Variants in RABL3 observed in about 807,000 individuals in gnomAD.
RABL3 encodes the protein RAB, member of RAS oncogene family like 3.
A neutral mutation model predicts 31.8 loss-of-function variants in RABL3; 31 were observed. The observed-to-expected ratio is 0.97, with a 90% CI of 0.73 to 1.31. The LOEUF (loss-of-function observed/expected upper bound fraction) is 1.31. RABL3 is among the 40% of genes most tolerant of loss of function. RABL3 has a pLI of 0.00. For missense variants in RABL3, 263 were observed against 279.6 expected, an observed-to-expected ratio of 0.94 and a Z score of 0.42; for synonymous variants, 97 against 99.9, an observed-to-expected ratio of 0.97 and a Z score of 0.18.
At chr3:120,727,723 GAT>G (rs1708838755) in intron 2 of RABL3, among the ~76,000 whole-genome samples, 1 of 152,154 alleles carries the variant, frequency 6.6e-6, no homozygotes, top group African/African-American at 2.4e-5. Flanking sequence ...TAAATCTAGT[GAT>G]ATATGAAAAG....
In RABL3 at chr3:120,695,455, G is replaced by A. The variant is rs546715561; in HGVS notation, c.535-1231C>T. Among the ~76,000 whole-genome samples, 4 of 152,204 alleles carry A rather than the reference G, an allele frequency of 2.6e-5. No individual in the cohort carries two copies. The East Asian group carries it at 5.8e-4, about 22-fold the overall frequency. On this transcript the variant is annotated intron_variant, in intron 5 of 7. Transcript: ENST00000273375. Reference sequence around the variant, plus strand: ...ATTTGGGCTTACTGATTTGTGGAATGGGGATAACAATATTTTATTTCACGG... The same window carrying A: ...ATTTGGGCTTACTGATTTGTGGAATAGGGATAACAATATTTTATTTCACGG...
At chr3:120,692,198 C>T (rs924817702) in intron 6 of RABL3, among the ~76,000 whole-genome samples, 14 of 149,488 alleles carry the variant, frequency 9.4e-5, no homozygotes, top group African/African-American at 3.4e-4. Flanking sequence ...GAGAAGAAAT[C>T]TTTTTTTTTT....
At chr3:120,697,382 C>G (rs1218383105) in intron 5 of RABL3, among the ~76,000 whole-genome samples, 6 of 152,162 alleles carry the variant, frequency 3.9e-5, no homozygotes, top group Non-Finnish European at 8.8e-5. Flanking sequence ...GAAGATGATG[C>G]ATGTGAGATA....
chr3:120,731,886 T>C (rs1708887976), intron 1 of RABL3, among the ~76,000 whole-genome samples: 1 of 151,966 alleles, frequency 6.6e-6, no homozygotes, highest in African/African-American at 2.4e-5. Context: ...ACTGCATCTC[T>C]ACAAAAAATA....
At chr3:120,734,196 ATTAT>A (rs1708925342) in intron 1 of RABL3, among the ~76,000 whole-genome samples, 1 of 152,086 alleles carries the variant, frequency 6.6e-6, no homozygotes, top group South Asian at 2.1e-4. Context: ...TGTTCTTCCA[ATTAT>A]TTGTGTCCTC....
intron 5 of RABL3, among the ~76,000 whole-genome samples, chr3:120,694,835 T>C (rs1421598347): frequency 6.6e-6 from 1 of 152,054 alleles, no homozygotes; most frequent in Non-Finnish European, 1.5e-5. Context: ...TTACTACTCT[T>C]TGATGGAATT....
rs1708333795 is a variant in RABL3, at chr3:120,688,068, G to A, written c.*1755C>T. 6.6e-6 allele frequency: 1 copy of A among 151,954 alleles called. No individual in the cohort carries two copies. Among genetic ancestry groups the A allele is most frequent in the Non-Finnish European group, 1.5e-5 (1 of 68,006 alleles). The allele number at this position is 151,954 out of a possible 1,614,324, so 9.4% of individuals were successfully genotyped here. ...CGCCTCCCAAAGTGTTGGGATTAAA[G>A]GTGTGAGCCACCGCGCCTGGCCTAT... is the stretch of plus-strand genomic sequence containing the variant. On this transcript the variant is annotated 3_prime_UTR_variant, in exon 8 of 8. Transcript: ENST00000273375.
intron 2 of RABL3, among the ~76,000 whole-genome samples, chr3:120,711,543 T>C (rs1385482359): frequency 6.6e-6 from 1 of 152,112 alleles, no homozygotes; most frequent in African/African-American, 2.4e-5. Context: ...ATGCAAGTTA[T>C]ATCATACGCT....
rs1474054536 is a variant in RABL3 at position 120,688,462 on chromosome 3, C to G, written c.*1361G>C. On this transcript the variant is annotated 3_prime_UTR_variant, in exon 8 of 8. Coordinates refer to ENST00000273375, the MANE Select transcript of RABL3 (RefSeq NM_173825.5). Reference sequence around the variant, plus strand: ...AAGACTGCCTTTCTAAAAGGACTCTCTAACATTCTTATTTTAATATCCTCT... The same window carrying G: ...AAGACTGCCTTTCTAAAAGGACTCTGTAACATTCTTATTTTAATATCCTCT... The G allele has an allele frequency of 6.6e-6, 1 of 152,374 alleles. No individual in the cohort carries two copies. The highest frequency in any genetic ancestry group is 3.2e-3 in the Middle Eastern group (1 of 316). 9.4% of individuals were successfully genotyped at this position (152,374 alleles called of 1,614,324 possible).
At chr3:120,709,276 T>C (rs530730027) in intron 3 of RABL3, among the ~76,000 whole-genome samples, 8 of 152,104 alleles carry the variant, frequency 5.3e-5, no homozygotes, top group African/African-American at 1.9e-4. Flanking sequence ...GCTCCAGGTA[T>C]TTGAATATCT....
chr3:120,689,564 T>C lies in RABL3; in HGVS notation c.*259A>G. On this transcript the variant is annotated 3_prime_UTR_variant, in exon 8 of 8. Transcript: ENST00000273375. ...TCATTGCTCATTTACTGCATCATTT[T>C]GACAACATCTCATATTTACACAAGG... is the stretch of plus-strand genomic sequence containing the variant. 1 of 333,466 alleles carries C rather than the reference T, an allele frequency of 3.0e-6. No individual in the cohort carries two copies. Among genetic ancestry groups the C allele is most frequent in the East Asian group, 4.6e-5 (1 of 21,696 alleles). The allele number at this position is 333,466 out of a possible 1,614,324, so 20.7% of individuals were successfully genotyped here. A position where few individuals can be genotyped will look rare whatever the true frequency, so the allele number is the denominator to read the frequency against.
At chr3:120,707,388 T>C (rs983260205) in intron 3 of RABL3, among the ~76,000 whole-genome samples, 6 of 152,262 alleles carry the variant, frequency 3.9e-5, no homozygotes, top group South Asian at 2.1e-4. Context: ...AGAACCACCA[T>C]TAAAGACTAC....
chr3:120,711,828 C>T lies in RABL3; in HGVS notation c.139-1919G>A, dbSNP rs1708616207. On this transcript the variant is annotated intron_variant, in intron 2 of 7. Transcript: ENST00000273375. ...CTAGGCATGTGTATTTTGAACAATT[C>T]TCCAAACGATTCTGCTGTAATCCCC... Among the ~76,000 whole-genome samples the T allele has an allele frequency of 2.0e-5, 3 of 152,234 alleles. No individual in the cohort carries two copies. The East Asian group carries it at 5.8e-4, about 29-fold the overall frequency.
intron 1 of RABL3, among the ~76,000 whole-genome samples, chr3:120,735,882 T>C (rs945505959): frequency 6.6e-6 from 1 of 152,228 alleles, no homozygotes; most frequent in Non-Finnish European, 1.5e-5. Context: ...TCCTGAGTTC[T>C]AGTTTGACAG....
intron 6 of RABL3, among the ~76,000 whole-genome samples, chr3:120,692,794 T>C (rs1708395835): frequency 6.6e-6 from 1 of 152,174 alleles, no homozygotes; most frequent in Non-Finnish European, 1.5e-5. Flanking sequence ...TAGGATGTAA[T>C]TTAGTATATC....
intron 2 of RABL3, among the ~76,000 whole-genome samples, chr3:120,712,317 A>T (rs564533570): frequency 6.6e-6 from 1 of 152,340 alleles, no homozygotes; most frequent in Admixed American, 6.5e-5. Flanking sequence ...TTAATTCTGC[A>T]TATTACAATA....
At chr3:120,715,860 A>G (rs1708662672) in intron 2 of RABL3, among the ~76,000 whole-genome samples, 3 of 152,296 alleles carry the variant, frequency 2.0e-5, no homozygotes, top group African/African-American at 7.2e-5. Flanking sequence ...TATATGATCC[A>G]GGACAAGTCA....
At chr3:120,719,650 G>T (rs1322336092) in intron 2 of RABL3, among the ~76,000 whole-genome samples, 1 of 152,224 alleles carries the variant, frequency 6.6e-6, no homozygotes, top group African/African-American at 2.4e-5. Context: ...CCAGGCTGGG[G>T]GAGGGGCACC....
At chr3:120,701,884 A>G (rs990398800) in intron 4 of RABL3, among the ~76,000 whole-genome samples, 2 of 152,210 alleles carry the variant, frequency 1.3e-5, no homozygotes, top group Admixed American at 6.5e-5. Context: ...AAACCTGGAC[A>G]GGATACATGA....
Sources: allele counts gnomAD v4.1 joint callset (sites outside exome capture counted in the v4.1 genomes callset), GRCh38; gene constraint gnomAD v4.1.1; transcripts MANE v1.5; gene names NCBI Gene and HGNC (gene_info 2026-07-23, HGNC 2026-07-21).